Variants in MAP3K4 observed in about 807,000 individuals in gnomAD.
MAP3K4 encodes the protein MAP three kinase 1.
Under a neutral mutation model 185.6 loss-of-function variants are expected in MAP3K4, and 67 were observed. The ratio of observed to expected loss-of-function variants is 0.36; its 90% CI spans 0.30 to 0.44. MAP3K4 has a LOEUF of 0.44. Among genes scored for constraint, MAP3K4 ranks in the 20% least tolerant of loss-of-function variants. The pLI, the probability that MAP3K4 is intolerant of heterozygous loss-of-function variation, is 1.00. For missense variants in MAP3K4, 1,551 were observed against 1,995.1 expected (o/e 0.78, Z 4.24); for synonymous variants, 702 against 710.4 (o/e 0.99, Z 0.19).
chr6:161,039,080 C>CTGTTG (rs1305352528), intron 2 of MAP3K4, among the ~76,000 whole-genome samples: 1 of 152,098 alleles, frequency 6.6e-6, no homozygotes, highest in African/African-American at 2.4e-5. Flanking sequence ...AGTGTCACTT[C>CTGTTG]TGTTGTGTTC....
At chr6:161,011,243 A>G (rs1048006223) in intron 1 of MAP3K4, among the ~76,000 whole-genome samples, 1 of 152,136 alleles carries the variant, frequency 6.6e-6, no homozygotes, top group African/African-American at 2.4e-5. Flanking sequence ...AACCCAAATA[A>G]CTCCTTTAAT....
chr6:161,060,337 G>A (rs889844522), intron 3 of MAP3K4, among the ~76,000 whole-genome samples: 10 of 152,068 alleles, frequency 6.6e-5, no homozygotes, highest in African/African-American at 2.4e-4. Context: ...TAATGATGTG[G>A]TTTATTGATG....
intron 1 of MAP3K4, among the ~76,000 whole-genome samples, chr6:161,013,668 C>T (rs1325800654): frequency 4.6e-5 from 7 of 152,330 alleles, no homozygotes; most frequent in African/African-American, 1.7e-4. Flanking sequence ...AACGTTACAT[C>T]TCTAGTGGTG....
At chr6:161,104,581 C>T (rs539526098) in intron 19 of MAP3K4, among the ~76,000 whole-genome samples, 38 of 151,784 alleles carry the variant, frequency 2.5e-4, no homozygotes, top group African/African-American at 8.9e-4. Flanking sequence ...CGTGGTGGTG[C>T]GCGCCTGTAG....
chr6:161,092,361 T>G (rs1777364091), intron 13 of MAP3K4, among the ~76,000 whole-genome samples: 1 of 152,174 alleles, frequency 6.6e-6, no homozygotes, highest in Non-Finnish European at 1.5e-5. Flanking sequence ...TTGAGTTACC[T>G]TTAAGGGAAC....
chr6:161,048,551 A>C lies in MAP3K4; in HGVS notation c.344-65A>C. ...TATGTGTGAATACCAGTTTTATTGA[A>C]AATATTGAGAGTAGCTTCATATTTT... On this transcript the variant is annotated intron_variant, in intron 2 of 26. Coordinates refer to ENST00000392142, the MANE Select transcript of MAP3K4 (RefSeq NM_005922.4). This position sits in a 1 kb window ranked among gnomAD's most constrained non-coding sequence, Gnocchi z 4.7. 9.0e-7 allele frequency: 1 copy of C among 1,109,708 alleles called. No homozygotes were observed. The highest frequency in any genetic ancestry group is 1.3e-6 in the Non-Finnish European group (1 of 792,552). 68.7% of individuals were successfully genotyped at this position (1,109,708 alleles called of 1,614,324 possible). A position where few individuals can be genotyped will look rare whatever the true frequency, so the allele number is the denominator to read the frequency against.
In MAP3K4 at chr6:161,016,058, G is replaced by A. The variant is rs77771408; in HGVS notation, c.153-18201G>A. Among the ~76,000 whole-genome samples the A allele has an allele frequency of 3.2e-3, 491 of 152,292 alleles. 21 individuals are homozygous for A. In the East Asian group the frequency reaches 0.078, roughly 24 times the overall value. ...TATCTTTGTCAACGCGTTGTCTGAC[G>A]TTTTAATTATAACCATCCTAGTGGA... On this transcript the variant is annotated intron_variant, in intron 1 of 26. Transcript: ENST00000392142.
chr6:161,093,707 T>C lies in MAP3K4; in HGVS notation c.3349-66T>C. ...AAATATACTGAAAATTAATTTGTGC[T>C]ACTTACATAATTAAGAAAGTATGCA... On this transcript the variant is annotated intron_variant, in intron 14 of 26. Transcript: ENST00000392142. The surrounding 1 kb of genome is among the most constrained non-coding windows in gnomAD (Gnocchi z 5.2). 7.8e-6 allele frequency: 7 copies of C among 895,894 alleles called. No homozygotes were observed. The highest frequency in any genetic ancestry group is 4.4e-5 in the South Asian group (3 of 68,802). 55.5% of individuals were successfully genotyped at this position (895,894 alleles called of 1,614,324 possible).
intron 3 of MAP3K4, among the ~76,000 whole-genome samples, chr6:161,060,568 AT>A (rs1251198788): frequency 6.7e-6 from 1 of 149,574 alleles, no homozygotes; most frequent in Non-Finnish European, 1.5e-5. Context: ...CTAGGCTGAC[AT>A]TGTATATCTG....
At chr6:161,104,613 A>C (rs1777982941) in intron 19 of MAP3K4, among the ~76,000 whole-genome samples, 1 of 150,522 alleles carries the variant, frequency 6.6e-6, no homozygotes. Flanking sequence ...TGGGAGGCCG[A>C]GGCAGAAGAA....
At chr6:161,111,562 CTG>C (rs1778352470) in intron 23 of MAP3K4, among the ~76,000 whole-genome samples, 1 of 152,170 alleles carries the variant, frequency 6.6e-6, no homozygotes, top group Non-Finnish European at 1.5e-5. Flanking sequence ...TTAAGTATCT[CTG>C]TGGGTTATTA....
At chr6:161,030,072 C>T (rs899225618) in intron 1 of MAP3K4, among the ~76,000 whole-genome samples, 2 of 152,080 alleles carry the variant, frequency 1.3e-5, no homozygotes, top group Admixed American at 1.3e-4. Flanking sequence ...GTTGGATCTG[C>T]GAGCTTATGG....
intron 1 of MAP3K4, among the ~76,000 whole-genome samples, chr6:161,001,242 CAA>C (rs1489371529): frequency 6.6e-6 from 1 of 150,728 alleles, no homozygotes; most frequent in Non-Finnish European, 1.5e-5. Context: ...ATATTTTTAT[CAA>C]GTTATTAATT....
rs980039830 is a variant in MAP3K4 at position 161,051,276 on chromosome 6, T to G, written c.1707+1297T>G. Among the ~76,000 whole-genome samples, 1 of 152,176 alleles carries G rather than the reference T, an allele frequency of 6.6e-6. No homozygotes were observed. Among genetic ancestry groups the G allele is most frequent in the African/African-American group, 2.4e-5 (1 of 41,432 alleles). On this transcript the variant is annotated intron_variant, in intron 3 of 26. Coordinates refer to ENST00000392142, the MANE Select transcript of MAP3K4 (RefSeq NM_005922.4). The surrounding 1 kb of genome is among the most constrained non-coding windows in gnomAD (Gnocchi z 4.2). Reference sequence around the variant, plus strand: ...TTTTTTTTACACAGCCTGGCTTGCTTTAAATTCATTAACGATAAACAACTT... The same window carrying G: ...TTTTTTTTACACAGCCTGGCTTGCTGTAAATTCATTAACGATAAACAACTT...
chr6:161,102,202 C>A (rs530636308), intron 18 of MAP3K4, among the ~76,000 whole-genome samples: 1 of 152,014 alleles, frequency 6.6e-6, no homozygotes, highest in Non-Finnish European at 1.5e-5. Context: ...CCTTTTTAGC[C>A]CTGTTAGCAT....
At position 161,101,836 on chromosome 6, in the gene MAP3K4, C is replaced by G; in HGVS notation, c.3675-56C>G. ...ATTGCTCTAGAAAAATCTCGCAGATCTTTCATTTTAAGTTCTATTGAATTG... is the reference window on the plus strand; with the variant it reads ...ATTGCTCTAGAAAAATCTCGCAGATGTTTCATTTTAAGTTCTATTGAATTG... On this transcript the variant is annotated intron_variant, in intron 17 of 26. Coordinates refer to ENST00000392142, the MANE Select transcript of MAP3K4 (RefSeq NM_005922.4). This position sits in a 1 kb window ranked among gnomAD's most constrained non-coding sequence, Gnocchi z 5.1. The G allele has an allele frequency of 6.9e-7, 1 of 1,449,132 alleles. No individual in the cohort carries two copies. The allele number at this position is 1,449,132 out of a possible 1,614,324, so 89.8% of individuals were successfully genotyped here. A position where few individuals can be genotyped will look rare whatever the true frequency, so the allele number is the denominator to read the frequency against.
In MAP3K4 at chr6:161,070,032, G is replaced by A. The variant is rs1418987282; in HGVS notation, c.1708-576G>A. ...GGGTTCCCGGGAAGCATCACAAAAC[G>A]GATAACTGAGTCATGCCAACCAGGT... On this transcript the variant is annotated intron_variant, in intron 3 of 26. Coordinates refer to ENST00000392142, the MANE Select transcript of MAP3K4 (RefSeq NM_005922.4). This position sits in a 1 kb window ranked among gnomAD's most constrained non-coding sequence, Gnocchi z 4.5. 2.6e-5 allele frequency among the ~76,000 whole-genome samples: 4 copies of A among 152,118 alleles called. No homozygotes were observed. The highest frequency in any genetic ancestry group is 1.9e-4 in the East Asian group (1 of 5,188).
intron 2 of MAP3K4, among the ~76,000 whole-genome samples, chr6:161,046,096 G>A (rs546202723): frequency 6.6e-5 from 10 of 152,102 alleles, no homozygotes; most frequent in African/African-American, 1.9e-4. Flanking sequence ...CCATAGGCAC[G>A]TCAAATTCAG....
rs1467539165 is a variant in MAP3K4, at chr6:161,088,122, T to G, written c.2823+168T>G. On this transcript the variant is annotated intron_variant, in intron 10 of 26. Coordinates refer to ENST00000392142, the MANE Select transcript of MAP3K4 (RefSeq NM_005922.4). The surrounding 1 kb of genome is among the most constrained non-coding windows in gnomAD (Gnocchi z 4.5). Reference sequence around the variant, plus strand: ...ATAGGTCATTTTGCAGCATAATTTGTACAATATATCATTCTGTTAAGTTAA... The same window carrying G: ...ATAGGTCATTTTGCAGCATAATTTGGACAATATATCATTCTGTTAAGTTAA... 1.3e-5 allele frequency among the ~76,000 whole-genome samples: 2 copies of G among 152,214 alleles called. No individual in the cohort carries two copies. The highest frequency in any genetic ancestry group is 2.9e-5 in the Non-Finnish European group (2 of 68,036).
Sources: gnomAD v4.1 joint callset for allele counts (sites outside exome capture counted in the v4.1 genomes callset) on GRCh38, gnomAD v4.1.1 for gene constraint, Gnocchi (gnomAD v3.1) non-coding constraint, MANE v1.5 for transcripts, NCBI Gene and HGNC (gene_info 2026-07-23, HGNC 2026-07-21) for gene names.